Variants in LAMA2 observed in about 807,000 individuals in gnomAD.
LAMA2 encodes the protein laminin subunit alpha-2.
In LAMA2, 269 loss-of-function variants were observed where a neutral mutation model predicts 364.8. The ratio of observed to expected loss-of-function variants is 0.74; its 90% CI spans 0.67 to 0.82. The LOEUF (loss-of-function observed/expected upper bound fraction) is 0.82. LAMA2 is among the 40% of genes least tolerant of loss of function. LAMA2 has a pLI of 0.00. For missense variants in LAMA2, 3,807 were observed against 3,873.2 expected (o/e 0.98, Z 0.45); for synonymous variants, 1,379 against 1,370.6 (o/e 1.01, Z -0.14).
intron 28 of LAMA2, among the ~76,000 whole-genome samples, chr6:129,325,602 CTCTT>C (rs1775231242): frequency 1.3e-5 from 2 of 151,906 alleles, no homozygotes; most frequent in South Asian, 2.1e-4. Context: ...CTCTCTCTCT[CTCTT>C]TTGCTACCTC....
At chr6:129,485,905 T>C (rs1784562593) in intron 55 of LAMA2, among the ~76,000 whole-genome samples, 1 of 152,166 alleles carries the variant, frequency 6.6e-6, no homozygotes. Context: ...GGGTTCATGA[T>C]GGGATATCAA....
At chr6:128,954,145 A>G (rs972522618) in intron 1 of LAMA2, among the ~76,000 whole-genome samples, 1 of 152,144 alleles carries the variant, frequency 6.6e-6, no homozygotes, top group African/African-American at 2.4e-5. Context: ...ATGCATGTGG[A>G]AGAAAATGTT....
chr6:129,394,469 T>C (rs564402394), intron 37 of LAMA2, among the ~76,000 whole-genome samples: 6 of 152,364 alleles, frequency 3.9e-5, no homozygotes, highest in Admixed American at 3.9e-4. Flanking sequence ...TTCTGGGACT[T>C]AGCCTTGTCA....
intron 12 of LAMA2, among the ~76,000 whole-genome samples, chr6:129,200,376 G>A (rs1782186990): frequency 6.8e-6 from 1 of 146,112 alleles, no homozygotes; most frequent in Non-Finnish European, 1.5e-5. Context: ...ACGTGTATGT[G>A]TACACATATA....
chr6:128,957,594 C>CT (rs1781227508), intron 1 of LAMA2, among the ~76,000 whole-genome samples: 1 of 151,882 alleles, frequency 6.6e-6, no homozygotes, highest in Non-Finnish European at 1.5e-5. Context: ...GTGAGGAGTG[C>CT]TTTTTTTAGG....
intron 1 of LAMA2, among the ~76,000 whole-genome samples, chr6:128,965,123 G>GA (rs923935401): frequency 6.6e-6 from 1 of 151,822 alleles, no homozygotes; most frequent in Admixed American, 6.6e-5. Flanking sequence ...TTTAAATCAT[G>GA]AAAAAAATAT....
chr6:129,405,115 T>C (rs1780181862), intron 40 of LAMA2, among the ~76,000 whole-genome samples: 1 of 152,092 alleles, frequency 6.6e-6, no homozygotes, highest in African/African-American at 2.4e-5. Flanking sequence ...CATCTTCTGT[T>C]AGATAATTTT....
chr6:128,883,523 T>A (rs563266023), intron 1 of LAMA2, among the ~76,000 whole-genome samples, 166 bp downstream of exon 1: 1 of 152,110 alleles, frequency 6.6e-6, no homozygotes, highest in African/African-American at 2.4e-5. Flanking sequence ...TTCAATGCCA[T>A]GAGAGCGTAG....
chr6:128,949,678 A>T (rs188622355), intron 1 of LAMA2, among the ~76,000 whole-genome samples: 4 of 152,170 alleles, frequency 2.6e-5, no homozygotes, highest in Admixed American at 2.6e-4. Flanking sequence ...TGAAAAGAAG[A>T]AAAAACAGAT....
chr6:129,446,879 G>GA (rs1015523486), intron 45 of LAMA2, among the ~76,000 whole-genome samples: 3 of 151,666 alleles, frequency 2.0e-5, no homozygotes, highest in South Asian at 2.1e-4. Flanking sequence ...ACGACTGACT[G>GA]AAAAAAAACC....
chr6:129,395,936 TAGAA>T (rs1779592120), intron 37 of LAMA2, among the ~76,000 whole-genome samples: 1 of 152,232 alleles, frequency 6.6e-6, no homozygotes, highest in African/African-American at 2.4e-5. Context: ...ACTGAAGGGA[TAGAA>T]AGAAAGAGAA....
At chr6:129,095,016 C>T (rs147187938) in intron 3 of LAMA2, among the ~76,000 whole-genome samples, 211 of 152,342 alleles carry the variant, frequency 1.4e-3, no homozygotes, top group African/African-American at 4.9e-3. Context: ...CGTGGAAGCA[C>T]ATTACAGTGA....
At position 129,516,239 on chromosome 6, in the gene LAMA2, C is replaced by T. The variant is rs764718992; in HGVS notation, c.9261C>T (p.Cys3087=). 6.2e-7 allele frequency: 1 copy of T among 1,613,992 alleles called. No homozygotes were observed. The highest frequency in any genetic ancestry group is 1.3e-5 in the African/African-American group (1 of 74,904). ...GLTTSIPFRG[C]IRSLKLTKGT... ...CAACCAGTATTCCGTTCCGAGGTTG[C>T]ATCAGATCCCTGAAGCTCACCAAAG... The change falls in exon 65 of 65, where the codon TGC becomes TGT. Residue 3087 remains cysteine (C), a synonymous_variant. Coordinates refer to ENST00000421865, the MANE Select transcript of LAMA2 (RefSeq NM_000426.4).
At chr6:129,075,610 A>G (rs960104728) in intron 3 of LAMA2, among the ~76,000 whole-genome samples, 1 of 152,160 alleles carries the variant, frequency 6.6e-6, no homozygotes, top group African/African-American at 2.4e-5. Flanking sequence ...TGGCAGGCTG[A>G]GATTTATCTG....
chr6:129,233,364 C>G (rs1233119075), intron 12 of LAMA2, among the ~76,000 whole-genome samples: 1 of 152,086 alleles, frequency 6.6e-6, no homozygotes, highest in African/African-American at 2.4e-5. Flanking sequence ...TAATTTTTAG[C>G]TCCCTAAAAA....
At chr6:129,508,618 A>T (rs1006180724) in intron 62 of LAMA2, among the ~76,000 whole-genome samples, 1 of 152,126 alleles carries the variant, frequency 6.6e-6, no homozygotes, top group African/African-American at 2.4e-5. Context: ...AGAACATGTG[A>T]TGTTTGCCTT....
chr6:129,170,152 C>G (rs913553357), intron 9 of LAMA2, among the ~76,000 whole-genome samples: 24 of 149,620 alleles, frequency 1.6e-4, no homozygotes, highest in Non-Finnish European at 3.3e-4. Context: ...TTTTTTGTGT[C>G]TCTATTTCCT....
In LAMA2 at chr6:129,059,901, A is replaced by C. The variant is rs760986878; in HGVS notation, c.396+5A>C. On this transcript the variant is annotated splice_donor_5th_base_variant and intron_variant, in intron 3 of 64. Transcript: ENST00000421865. ...ATTACCCTGGATTTACAGCAGGTAT[A>C]GTTCCTCTTTTTTTGTCATTTCCAC... 2 of 1,457,168 alleles carry C rather than the reference A, an allele frequency of 1.4e-6. No homozygotes were observed. Among genetic ancestry groups the C allele is most frequent in the Non-Finnish European group, 1.9e-6 (2 of 1,036,908 alleles). 90.3% of individuals were successfully genotyped at this position (1,457,168 alleles called of 1,614,324 possible). A position where few individuals can be genotyped will look rare whatever the true frequency, so the allele number is the denominator to read the frequency against.
At chr6:129,383,304 C>A in intron 35 of LAMA2, 71 bp downstream of exon 35, 1 of 1,163,420 alleles carries the variant, frequency 8.6e-7, no homozygotes, top group Non-Finnish European at 1.3e-6. Flanking sequence ...TGACACAGGA[C>A]TGGAATTTCT....
Sources: gnomAD v4.1 joint callset for allele counts (sites outside exome capture counted in the v4.1 genomes callset) on GRCh38, gnomAD v4.1.1 for gene constraint, MANE v1.5 for transcripts, NCBI Gene and HGNC (gene_info 2026-07-23, HGNC 2026-07-21) for gene names.